XKR6: variants seen among roughly 807,000 people sequenced by gnomAD.
The protein encoded by XKR6 is XK related 6.
Under a neutral mutation model 56.7 loss-of-function variants are expected in XKR6, and 22 were observed. The ratio of observed to expected loss-of-function variants is 0.39; its 90% CI spans 0.28 to 0.55. The LOEUF is 0.55. Ranked by LOEUF, XKR6 falls within the 20% of genes least tolerant of loss-of-function variation. The probability of loss-of-function intolerance (pLI) is 0.66; values close to 1 mark genes in which losing one functional copy is unlikely to be tolerated. For missense variants in XKR6, 852 were observed against 889.0 expected (o/e 0.96, Z 0.53); for synonymous variants, 524 against 387.8 (o/e 1.35, Z -4.13).
intron 1 of XKR6, among the ~76,000 whole-genome samples, chr8:11,100,973 T>C (rs1310405055): frequency 2.0e-5 from 3 of 152,118 alleles, no homozygotes; most frequent in African/African-American, 7.2e-5. Flanking sequence ...TCCTCACCCA[T>C]CTCCTGGAGA....
chr8:11,152,948 C>G (rs1801337009), intron 1 of XKR6, among the ~76,000 whole-genome samples: 1 of 152,208 alleles, frequency 6.6e-6, no homozygotes, highest in Non-Finnish European at 1.5e-5. Flanking sequence ...GCCCACAGAT[C>G]TGCACTAGCT....
chr8:10,964,847 C>A (rs1031143785), intron 1 of XKR6, among the ~76,000 whole-genome samples: 2 of 152,230 alleles, frequency 1.3e-5, no homozygotes, highest in Non-Finnish European at 2.9e-5. Flanking sequence ...TCCTCTAAAG[C>A]CCTTTCCCCT....
intron 2 of XKR6, among the ~76,000 whole-genome samples, chr8:10,922,748 A>G (rs1293163604): frequency 1.3e-5 from 2 of 152,194 alleles, no homozygotes; most frequent in African/African-American, 4.8e-5. Flanking sequence ...AGCATCACCA[A>G]GGTTTCCCTG....
chr8:11,099,910 G>C (rs1173744118), intron 1 of XKR6, among the ~76,000 whole-genome samples: 2 of 152,204 alleles, frequency 1.3e-5, no homozygotes, highest in African/African-American at 2.4e-5. Context: ...GGAGCCATAA[G>C]CACATGGGGA....
At chr8:10,984,720 C>CTATATGTATATATATATATA (rs1212342415) in intron 1 of XKR6, among the ~76,000 whole-genome samples, 2 of 83,264 alleles carry the variant, frequency 2.4e-5, no homozygotes, top group African/African-American at 1.1e-4. Flanking sequence ...CTCTCTCTCT[C>CTATATGTATATATATATATA]TCTCTCTCTC....
At chr8:11,037,844 C>G (rs113505228) in intron 1 of XKR6, among the ~76,000 whole-genome samples, 23,613 of 139,934 alleles carry the variant, frequency 0.17, 1,966 homozygotes, top group Non-Finnish European at 0.19. Flanking sequence ...GATGACAGAG[C>G]GAGACTTGGT....
At chr8:10,903,379 G>T (rs1800096578) in intron 2 of XKR6, among the ~76,000 whole-genome samples, 1 of 152,158 alleles carries the variant, frequency 6.6e-6, no homozygotes, top group South Asian at 2.1e-4. Flanking sequence ...GACAGAAGAT[G>T]CACTTCTTGC....
At chr8:11,193,646 C>T (rs533033991) in intron 1 of XKR6, among the ~76,000 whole-genome samples, 11 of 151,156 alleles carry the variant, frequency 7.3e-5, no homozygotes, top group Admixed American at 2.6e-4. Flanking sequence ...GATGGTATCA[C>T]TAAAAAAATT....
Position 11,077,217 on chromosome 8 carries a change from G to A in XKR6, c.764+123359C>T, listed in dbSNP as rs1325920090. The stretch of plus-strand genomic sequence containing the variant: ...GCATAAAGCATTGTGTCCAGCTGCC[G>A]GGAAGCCCAAGCAGCAGCGTGCAGT... On this transcript the variant is annotated intron_variant, in intron 1 of 2. Coordinates refer to ENST00000416569, the MANE Select transcript of XKR6 (RefSeq NM_173683.4). Among the ~76,000 whole-genome samples, 4 of 152,108 alleles carry A rather than the reference G, an allele frequency of 2.6e-5. No homozygotes were observed. The East Asian group carries it at 5.8e-4, about 22-fold the overall frequency.
At chr8:10,989,250 G>C (rs1474271410) in intron 1 of XKR6, among the ~76,000 whole-genome samples, 2 of 152,218 alleles carry the variant, frequency 1.3e-5, no homozygotes, top group African/African-American at 4.8e-5. Flanking sequence ...AATGAGTAGT[G>C]AGATAAAATG....
chr8:11,003,910 C>A (rs1019182132), intron 1 of XKR6, among the ~76,000 whole-genome samples: 1 of 152,148 alleles, frequency 6.6e-6, no homozygotes, highest in African/African-American at 2.4e-5. Context: ...CTTTCAAGTT[C>A]TCCTGGTGGG....
chr8:11,134,903 A>G (rs1800302780), intron 1 of XKR6, among the ~76,000 whole-genome samples: 1 of 152,196 alleles, frequency 6.6e-6, no homozygotes, highest in South Asian at 2.1e-4. Flanking sequence ...ATTATGTCAT[A>G]GGATGACATT....
intron 1 of XKR6, among the ~76,000 whole-genome samples, chr8:11,079,850 C>T (rs1396337511): frequency 6.6e-6 from 1 of 152,018 alleles, no homozygotes; most frequent in Admixed American, 6.6e-5. Context: ...ACCTGTAGAC[C>T]CAGCCACTCA....
chr8:11,135,820 T>G lies in XKR6; in HGVS notation c.764+64756A>C, dbSNP rs575563096. On this transcript the variant is annotated intron_variant, in intron 1 of 2. Transcript: ENST00000416569. Reference sequence around the variant, plus strand: ...CAAGATCTAAATAATTAAAAAAGAATAAAAGGAAGGAAGGAAGGAAGACTA... The same window carrying G: ...CAAGATCTAAATAATTAAAAAAGAAGAAAAGGAAGGAAGGAAGGAAGACTA... Among the ~76,000 whole-genome samples the G allele has an allele frequency of 1.3e-4, 19 of 150,186 alleles. No homozygotes were observed. In the East Asian group the frequency reaches 2.0e-3, roughly 16 times the overall value.
At chr8:11,022,092 A>G (rs1397148092) in intron 1 of XKR6, among the ~76,000 whole-genome samples, 1 of 149,934 alleles carries the variant, frequency 6.7e-6, no homozygotes, top group African/African-American at 2.5e-5. Context: ...AATATAACCA[A>G]AGAAGCCCCT....
Position 11,185,326 on chromosome 8 carries a change from A to G in XKR6, c.764+15250T>C, listed in dbSNP as rs28484940. On this transcript the variant is annotated intron_variant, in intron 1 of 2. Transcript: ENST00000416569. The stretch of plus-strand genomic sequence containing the variant: ...CTAGAAGTGTTTTGGTCTTTACTTA[A>G]AAGTTTGGTGGTGTTTTTGTGAACA... Among the ~76,000 whole-genome samples the G allele has an allele frequency of 8.0e-3, 1,217 of 152,294 alleles. 15 individuals carry two copies. The highest frequency in any genetic ancestry group is 0.028 in the African/African-American group (1,166 of 41,550).
chr8:11,015,126 C>A (rs985435100), intron 1 of XKR6, among the ~76,000 whole-genome samples: 1 of 151,580 alleles, frequency 6.6e-6, no homozygotes, highest in Non-Finnish European at 1.5e-5. Flanking sequence ...CGCTTGGGGG[C>A]GCCTCTGATC....
intron 1 of XKR6, among the ~76,000 whole-genome samples, chr8:11,092,727 G>A (rs1798117634): frequency 6.6e-6 from 1 of 152,192 alleles, no homozygotes; most frequent in African/African-American, 2.4e-5. Context: ...GGCTTCTGGA[G>A]GAATCTTGGC....
intron 1 of XKR6, among the ~76,000 whole-genome samples, chr8:10,948,663 C>G (rs1004824571): frequency 2.0e-5 from 3 of 152,098 alleles, no homozygotes; most frequent in African/African-American, 7.2e-5. Flanking sequence ...CCGCAGGACC[C>G]GGTCTGTCCT....
Sources: allele counts gnomAD v4.1 joint callset (sites outside exome capture counted in the v4.1 genomes callset), GRCh38; gene constraint gnomAD v4.1.1; transcripts MANE v1.5; gene names NCBI Gene and HGNC (gene_info 2026-07-23, HGNC 2026-07-21).